The following FOXP2 variants were observed in gnomAD, a reference collection of about 807,000 sequenced individuals.
FOXP2 encodes forkhead box P2.
Under a neutral mutation model 115.8 loss-of-function variants are expected in FOXP2, and 12 were observed. That is an observed-to-expected ratio of 0.10 (90% confidence interval 0.07 to 0.17). FOXP2 has a LOEUF of 0.17. FOXP2 is among the 10% of genes least tolerant of loss of function. The probability of loss-of-function intolerance (pLI) is 1.00; values close to 1 mark genes in which losing one functional copy is unlikely to be tolerated. For synonymous variants in FOXP2, 328 were observed against 297.7 expected (o/e 1.10, Z -1.05); for missense variants, 629 against 843.5 (o/e 0.75, Z 3.15).
intron 3 of FOXP2, among the ~76,000 whole-genome samples, chr7:114,561,854 A>G (rs947654965): frequency 3.1e-4 from 47 of 152,182 alleles, no homozygotes; most frequent in Non-Finnish European, 5.4e-4. Context: ...CAGTAGCATG[A>G]TCATAGTTTA....
chr7:114,677,761 T>G (rs888601685), intron 16 of FOXP2, among the ~76,000 whole-genome samples: 3 of 152,230 alleles, frequency 2.0e-5, no homozygotes, highest in African/African-American at 7.2e-5. Context: ...ATACCATTAA[T>G]GAGGGTGCCT....
rs531990887 is a variant in FOXP2 at position 114,308,166 on chromosome 7, T to C, written c.-11+20057T>C. On this transcript the variant is annotated intron_variant, in intron 2 of 17. Coordinates refer to the FOXP2 transcript ENST00000634411. Reference sequence around the variant, plus strand: ...CCTCTAGTTTCATCTCCATCTTTTATCTTAAAGGGCAAGATGGGAATAGAA... The same window carrying C: ...CCTCTAGTTTCATCTCCATCTTTTACCTTAAAGGGCAAGATGGGAATAGAA... Among the ~76,000 whole-genome samples the C allele has an allele frequency of 1.1e-4, 17 of 152,264 alleles. No individual in the cohort carries two copies. In the South Asian group the frequency reaches 3.5e-3, roughly 32 times the overall value.
intron 2 of FOXP2, among the ~76,000 whole-genome samples, chr7:114,507,356 A>G (rs374500787): frequency 2.0e-4 from 31 of 152,040 alleles, no homozygotes; most frequent in African/African-American, 7.2e-4. Context: ...ACAACTACTT[A>G]TTTATTCATA....
intron 3 of FOXP2, among the ~76,000 whole-genome samples, chr7:114,592,890 C>T (rs1466195062): frequency 6.6e-6 from 1 of 151,898 alleles, no homozygotes; most frequent in Non-Finnish European, 1.5e-5. Context: ...AATTGAAGCA[C>T]CAAATTTGGC....
Position 114,210,110 on chromosome 7 carries a change from C to T in FOXP2, c.-102+47022C>T, listed in dbSNP as rs1269925856. ...GCTCAGTAAAGTTTGTTATTAGCCA[C>T]CTTAGCAAGCCTACTTCTGTCAATT... On this transcript the variant is annotated intron_variant, in intron 1 of 17. Transcript: ENST00000634411. Among the ~76,000 whole-genome samples the T allele has an allele frequency of 4.6e-5, 7 of 152,274 alleles. No homozygotes were observed. The East Asian group carries it at 1.4e-3, about 29-fold the overall frequency.
intron 2 of FOXP2, among the ~76,000 whole-genome samples, chr7:114,523,344 C>T (rs1320038117): frequency 6.6e-6 from 1 of 152,140 alleles, no homozygotes; most frequent in Admixed American, 6.6e-5. Flanking sequence ...ATGTTCTGAG[C>T]TCACTGTTTA....
chr7:114,502,507 A>T (rs1241495442), intron 2 of FOXP2, among the ~76,000 whole-genome samples: 2 of 152,104 alleles, frequency 1.3e-5, no homozygotes, highest in Non-Finnish European at 2.9e-5. Flanking sequence ...CTGAAAGTGT[A>T]TAAGTTCACA....
intron 6 of FOXP2, among the ~76,000 whole-genome samples, chr7:114,636,531 T>C (rs1584976932): frequency 6.6e-6 from 1 of 152,006 alleles, no homozygotes; most frequent in African/African-American, 2.4e-5. Context: ...AAATTAACAG[T>C]ATACATACTT....
At chr7:114,398,447 A>G (rs188695042) in intron 2 of FOXP2, among the ~76,000 whole-genome samples, 3 of 152,326 alleles carry the variant, frequency 2.0e-5, no homozygotes, top group African/African-American at 7.2e-5. Flanking sequence ...ATATTTTATG[A>G]AGTCTACTTT....
At chr7:114,153,643 G>A (rs900987593) in intron 1 of FOXP2, among the ~76,000 whole-genome samples, 4 of 152,112 alleles carry the variant, frequency 2.6e-5, no homozygotes, top group Admixed American at 2.6e-4. Context: ...AAGGTTGGAA[G>A]TTAACTCTTG....
chr7:114,279,639 CTT>C (rs1365741804), intron 1 of FOXP2, among the ~76,000 whole-genome samples: 1 of 151,812 alleles, frequency 6.6e-6, no homozygotes, highest in African/African-American at 2.4e-5. Flanking sequence ...CACTTGATCA[CTT>C]TGTTATTTTG....
chr7:114,091,811 A>G (rs1004270065), intron 1 of FOXP2, among the ~76,000 whole-genome samples: 2 of 151,948 alleles, frequency 1.3e-5, no homozygotes, highest in Admixed American at 6.6e-5. Flanking sequence ...TAAAAAATAC[A>G]TTTTCTCCGT....
At chr7:114,259,130 AC>A (rs1444635258) in intron 1 of FOXP2, among the ~76,000 whole-genome samples, 1 of 152,174 alleles carries the variant, frequency 6.6e-6, no homozygotes, top group Non-Finnish European at 1.5e-5. Flanking sequence ...TCAACTTATT[AC>A]ATTTTGATGA....
At chr7:114,394,184 A>G (rs1158266479) in intron 2 of FOXP2, among the ~76,000 whole-genome samples, 1 of 152,102 alleles carries the variant, frequency 6.6e-6, no homozygotes, top group Non-Finnish European at 1.5e-5. Flanking sequence ...GTATAAAATA[A>G]GCCTGGAGCA....
intron 3 of FOXP2, among the ~76,000 whole-genome samples, chr7:114,609,456 T>G (rs1289072006): frequency 6.6e-6 from 1 of 152,182 alleles, no homozygotes; most frequent in African/African-American, 2.4e-5. Context: ...GAATATAGTG[T>G]ACTATATTGT....
At chr7:114,254,595 A>C (rs2129170126) in intron 1 of FOXP2, among the ~76,000 whole-genome samples, 1 of 152,294 alleles carries the variant, frequency 6.6e-6, no homozygotes, top group South Asian at 2.1e-4. Flanking sequence ...CAGCTACTGA[A>C]GCTTGGGCAT....
At chr7:114,135,826 A>G (rs1792022807) in intron 1 of FOXP2, among the ~76,000 whole-genome samples, 1 of 152,132 alleles carries the variant, frequency 6.6e-6, no homozygotes, top group Admixed American at 6.5e-5. Context: ...TCCCCATGTA[A>G]TATTTGTAAA....
intron 1 of FOXP2, among the ~76,000 whole-genome samples, chr7:114,227,070 T>G (rs1249699723): frequency 6.6e-6 from 1 of 152,122 alleles, no homozygotes; most frequent in Non-Finnish European, 1.5e-5. Context: ...TGTTCAGGTT[T>G]CATGACAGTC....
At chr7:114,354,312 T>C (rs985123351) in intron 2 of FOXP2, among the ~76,000 whole-genome samples, 3 of 152,122 alleles carry the variant, frequency 2.0e-5, no homozygotes, top group African/African-American at 4.8e-5. Flanking sequence ...AGATGGCAGA[T>C]TGTGGGACTT....
Sources: allele counts gnomAD v4.1 joint callset (sites outside exome capture counted in the v4.1 genomes callset), GRCh38; gene constraint gnomAD v4.1.1; transcripts MANE v1.5; gene names NCBI Gene and HGNC (gene_info 2026-07-23, HGNC 2026-07-21).